The following PUM1 variants were observed in gnomAD, a reference collection of about 807,000 sequenced individuals.
PUM1 encodes pumilio homolog 1.
In PUM1, 13 loss-of-function variants were observed where a neutral mutation model predicts 131.8. That is an observed-to-expected ratio of 0.10 (90% CI 0.06 to 0.16). The LOEUF is 0.16. PUM1 is among the 10% of genes least tolerant of loss of function. PUM1 has a pLI of 1.00. For synonymous variants in PUM1, 509 were observed against 556.5 expected (o/e 0.91, Z 1.20); for missense variants, 961 against 1,512.4 (o/e 0.64, Z 6.05).
intron 1 of PUM1, among the ~76,000 whole-genome samples, chr1:31,059,850 CTT>C (rs879611773): frequency 2.8e-5 from 4 of 141,960 alleles, no homozygotes; most frequent in Non-Finnish European, 1.6e-5. Flanking sequence ...TGAACAAAAG[CTT>C]TTTTTTTTTT....
chr1:31,030,847 C>T (rs1169189995), intron 2 of PUM1, among the ~76,000 whole-genome samples: 1 of 152,172 alleles, frequency 6.6e-6, no homozygotes, highest in Non-Finnish European at 1.5e-5. Flanking sequence ...TAAAAACGCA[C>T]AGCCAATACT....
At chr1:31,024,547 G>A (rs1023631794) in intron 3 of PUM1, among the ~76,000 whole-genome samples, 7 of 152,150 alleles carry the variant, frequency 4.6e-5, no homozygotes, top group Non-Finnish European at 8.8e-5. Context: ...CAAAGGTGAA[G>A]AGTCACATAT....
intron 14 of PUM1, 134 bp from the exon 15 acceptor site, chr1:30,954,115 A>G: frequency 1.0e-6 from 1 of 956,918 alleles, no homozygotes; most frequent in Non-Finnish European, 1.5e-6. Context: ...TGTCAAGACA[A>G]TTCTATTAGC....
At chr1:30,960,326 T>G (rs1015671468) in intron 14 of PUM1, among the ~76,000 whole-genome samples, 2 of 152,234 alleles carry the variant, frequency 1.3e-5, no homozygotes, top group Admixed American at 1.3e-4. Flanking sequence ...AAGACTTTGT[T>G]GATGCTCAAA....
chr1:30,949,432 C>T (rs1190042045), intron 17 of PUM1, among the ~76,000 whole-genome samples: 5 of 142,282 alleles, frequency 3.5e-5, no homozygotes, highest in African/African-American at 8.3e-5. Context: ...CAGGTGACTT[C>T]TCTTTCAGTT....
In PUM1 at chr1:31,013,485, G is replaced by A. The variant is rs116841721; in HGVS notation, c.433-6383C>T. ...ACATGGATGTTACAACCCTGCAGACGTGATCAGTTTGATCATGTTATTATC... is the reference window on the plus strand; with the variant it reads ...ACATGGATGTTACAACCCTGCAGACATGATCAGTTTGATCATGTTATTATC... On this transcript the variant is annotated intron_variant, in intron 3 of 21. Transcript: ENST00000426105. Among the ~76,000 whole-genome samples, 40 of 152,270 alleles carry A rather than the reference G, an allele frequency of 2.6e-4. 1 individual carries two copies. In the East Asian group the frequency reaches 5.2e-3, roughly 20 times the overall value.
At position 30,945,366 on chromosome 1, in the gene PUM1, T is replaced by C; in HGVS notation, c.2974A>G (p.Ile992Val). 2 of 1,614,202 alleles carry C rather than the reference T, an allele frequency of 1.2e-6. No individual in the cohort carries two copies. Among genetic ancestry groups the C allele is most frequent in the Non-Finnish European group, 1.7e-6 (2 of 1,180,030 alleles). Reference protein sequence around the residue: ...CVQPQSLQFIIDAFKGQVFAL... With the variant: ...CVQPQSLQFIVDAFKGQVFAL... ...CTTACCTGTCCCTTAAACGCATCGA[T>C]GATAAATTGCAAAGACTGGGGCTGT... Residue 992 changes from isoleucine to valine, a missense_variant, in exon 18 of 22, where the codon ATC (isoleucine) becomes GTC (valine). Physicochemically the swap from Ile to Val is conservative, Grantham distance 29. Around this residue, in one of 4 missense-constraint regions of PUM1, gnomAD observed 178 missense variants for 327.5 expected, o/e 0.54. Coordinates refer to ENST00000426105, the MANE Select transcript of PUM1 (RefSeq NM_001020658.2).
Position 30,941,104 on chromosome 1 carries a change from C to CAG in PUM1, c.3242+46_3242+47insCT. The CAG allele has an allele frequency of 2.6e-6, 4 of 1,568,066 alleles. No homozygotes were observed. The Middle Eastern group carries it at 6.8e-4, about 265-fold the overall frequency. On this transcript the variant is annotated intron_variant, in intron 20 of 21. Coordinates refer to ENST00000426105, the MANE Select transcript of PUM1 (RefSeq NM_001020658.2). ...ATAAGATAATTATAGTTCAATACTA[C>CAG]TAATCCTCTCTTCTGGGAAATAGTC...
chr1:31,056,112 C>T (rs1644230943), intron 2 of PUM1, among the ~76,000 whole-genome samples: 1 of 152,126 alleles, frequency 6.6e-6, no homozygotes, highest in South Asian at 2.1e-4. Context: ...CCCAGATATT[C>T]TGCTTCTACC....
intron 20 of PUM1, among the ~76,000 whole-genome samples, chr1:30,940,657 T>G (rs142720626): frequency 6.6e-6 from 1 of 152,340 alleles, no homozygotes; most frequent in East Asian, 1.9e-4. Flanking sequence ...GGGCCATTGA[T>G]TCCTTCTCCA....
intron 20 of PUM1, among the ~76,000 whole-genome samples, chr1:30,939,524 A>G (rs1413225995): frequency 1.3e-5 from 2 of 152,260 alleles, no homozygotes; most frequent in Admixed American, 1.3e-4. Context: ...AACAGCCATC[A>G]GAAATAAGAA....
At chr1:30,979,797 A>G (rs896687757) in intron 9 of PUM1, among the ~76,000 whole-genome samples, 1 of 152,216 alleles carries the variant, frequency 6.6e-6, no homozygotes, top group East Asian at 1.9e-4. Context: ...GGAAATTCCC[A>G]AAATATAAAT....
At chr1:30,933,439 T>TACACACATACACACACACAC (rs1639045304) in intron 21 of PUM1, 97 bp from the exon 22 acceptor site, 1 of 342,698 alleles carries the variant, frequency 2.9e-6, no homozygotes, top group African/African-American at 2.6e-5. Flanking sequence ...CACACACACA[T>TACACACATACACACACACAC]ACACACACAC....
chr1:31,059,417 T>C lies in PUM1; in HGVS notation c.150A>G (p.Pro50=). Residue 50 remains proline, a synonymous_variant, in exon 2 of 22, where the codon CCA becomes CCG. Coordinates refer to ENST00000426105, the MANE Select transcript of PUM1 (RefSeq NM_001020658.2). ...CAGCTGCAAGAGCCTGATTTGCAGC[T>C]GGTTGTGGCTGCGCTTGCGACCCTG... ...SGTGSQAQPQ[P]AANQALAAGT... 5.6e-6 allele frequency: 9 copies of C among 1,614,186 alleles called. No individual in the cohort carries two copies. The highest frequency in any genetic ancestry group is 6.8e-6 in the Non-Finnish European group (8 of 1,180,026).
At chr1:30,954,643 G>C (rs1640074095) in intron 14 of PUM1, among the ~76,000 whole-genome samples, 1 of 152,180 alleles carries the variant, frequency 6.6e-6, no homozygotes, top group African/African-American at 2.4e-5. Flanking sequence ...AATTTCTATT[G>C]TGACACAGCC....
intron 6 of PUM1, among the ~76,000 whole-genome samples, chr1:30,994,250 G>C (rs1172605377): frequency 6.6e-6 from 1 of 152,034 alleles, no homozygotes; most frequent in Non-Finnish European, 1.5e-5. Flanking sequence ...AGGGGTGTGA[G>C]TGTGTGCATG....
At chr1:30,983,168 G>C (rs1435411444) in intron 7 of PUM1, among the ~76,000 whole-genome samples, 1 of 152,246 alleles carries the variant, frequency 6.6e-6, no homozygotes, top group Non-Finnish European at 1.5e-5. Context: ...CTAAAGATGT[G>C]TCTCACACAG....
In PUM1 at chr1:31,005,992, G is replaced by A; in HGVS notation, c.581C>T (p.Pro194Leu). ...VSQPIMVQRRPGQSFHVNSEV... is the reference protein window; with the variant it reads ...VSQPIMVQRRLGQSFHVNSEV... The stretch of plus-strand genomic sequence containing the variant: ...ACTGTTCACATGGAAACTCTGACCA[G>A]GTCTTCTCTGCACCATGATTGGCTG... The change falls in exon 5 of 22, where the codon CCT (proline) becomes CTT (leucine). Residue 194 changes from proline to leucine, a missense_variant. Physicochemically the swap from Pro to Leu is moderately conservative, Grantham distance 98. Transcript: ENST00000426105. The A allele has an allele frequency of 1.9e-6, 3 of 1,611,828 alleles. No homozygotes were observed.
At chr1:31,044,260 G>A (rs1419681104) in intron 2 of PUM1, among the ~76,000 whole-genome samples, 1 of 152,064 alleles carries the variant, frequency 6.6e-6, no homozygotes, top group Non-Finnish European at 1.5e-5. Context: ...AATTAGCCAG[G>A]CGAGGTGGCG....
Sources: allele counts gnomAD v4.1 joint callset (sites outside exome capture counted in the v4.1 genomes callset), GRCh38; gene constraint gnomAD v4.1.1; regional missense constraint gnomAD v4.1.1; transcripts MANE v1.5; gene names NCBI Gene and HGNC (gene_info 2026-07-23, HGNC 2026-07-21).